Variants in VAC14 observed in about 807,000 individuals in gnomAD.
VAC14 encodes protein VAC14 homolog.
In VAC14, 47 loss-of-function variants were observed where a neutral mutation model predicts 85.3. The observed-to-expected ratio is 0.55, with a 90% confidence interval of 0.44 to 0.70. VAC14 has a LOEUF of 0.70. Among genes scored for constraint, VAC14 ranks in the 30% least tolerant of loss-of-function variants. The pLI is 0.00. For missense variants in VAC14, 861 were observed against 1,004.3 expected (o/e 0.86, Z 1.93); for synonymous variants, 447 against 430.5 (o/e 1.04, Z -0.47).
chr16:70,789,447 T>C (rs1008303372), intron 1 of VAC14, among the ~76,000 whole-genome samples: 1 of 152,194 alleles, frequency 6.6e-6, no homozygotes, highest in South Asian at 2.1e-4. Flanking sequence ...TCAACTTATA[T>C]GCAAGGAGGC....
chr16:70,753,277 G>A (rs1411401802), intron 12 of VAC14, among the ~76,000 whole-genome samples: 1 of 152,180 alleles, frequency 6.6e-6, no homozygotes, highest in Non-Finnish European at 1.5e-5. Flanking sequence ...TAGCAGTGGG[G>A]GGACGGTCCC....
intron 7 of VAC14, 150 bp from the exon 8 acceptor site, chr16:70,782,153 G>T: frequency 8.6e-7 from 1 of 1,163,532 alleles, no homozygotes; most frequent in African/African-American, 1.6e-5. Context: ...CTACCTGTGT[G>T]CTTTGCCTTC....
At position 70,771,087 on chromosome 16, in the gene VAC14, T is replaced by G. The variant is rs1597982948; in HGVS notation, c.1160+1022A>C. The G allele has an allele frequency of 2.0e-5, 3 of 152,174 alleles. No individual in the cohort carries two copies. The South Asian group carries it at 6.2e-4, about 32-fold the overall frequency. 9.4% of individuals were successfully genotyped at this position (152,174 alleles called of 1,614,324 possible). On this transcript the variant is annotated intron_variant, in intron 10 of 18. Coordinates refer to ENST00000261776, the MANE Select transcript of VAC14 (RefSeq NM_018052.5). ...CCCCTGTATGAGACCCACCATCCAC[T>G]CTAGCCCCAGAGATGCCAAGGTCAC... is the stretch of plus-strand genomic sequence containing the variant.
intron 14 of VAC14, among the ~76,000 whole-genome samples, chr16:70,727,951 G>C (rs1186651167): frequency 2.0e-5 from 3 of 152,208 alleles, no homozygotes; most frequent in Admixed American, 2.0e-4. Flanking sequence ...GATGCACATT[G>C]ACAGGTGTGG....
At chr16:70,695,865 G>A (rs1233248571) in intron 16 of VAC14, 9 of 423,508 alleles carry the variant, frequency 2.1e-5, no homozygotes, top group South Asian at 4.1e-5. Context: ...GCACCCTCCC[G>A]GGCTGGGAGA....
rs1451697263 is a variant in VAC14, at chr16:70,801,116, G to A, written c.-216C>T. On this transcript the variant is annotated 5_prime_UTR_variant, in exon 1 of 19. Coordinates refer to ENST00000261776, the MANE Select transcript of VAC14 (RefSeq NM_018052.5). ...CTGGCCGCTTAACAACTCCCGCCCGGCACTAGCGGGACTCACGAGACAGCG... is the reference window on the plus strand; with the variant it reads ...CTGGCCGCTTAACAACTCCCGCCCGACACTAGCGGGACTCACGAGACAGCG... 3 of 432,700 alleles carry A rather than the reference G, an allele frequency of 6.9e-6. No homozygotes were observed. The highest frequency in any genetic ancestry group is 1.2e-5 in the Non-Finnish European group (3 of 246,684). 26.8% of individuals were successfully genotyped at this position (432,700 alleles called of 1,614,324 possible).
intron 13 of VAC14, among the ~76,000 whole-genome samples, chr16:70,741,393 G>C (rs1024882878): frequency 1.3e-5 from 2 of 152,226 alleles, no homozygotes; most frequent in African/African-American, 4.8e-5. Flanking sequence ...GCGGAGGTGG[G>C]GGGGCGGGGA....
chr16:70,788,323 G>C (rs544490253), intron 1 of VAC14, among the ~76,000 whole-genome samples: 1 of 152,318 alleles, frequency 6.6e-6, no homozygotes. Context: ...CCTATCATGC[G>C]CCAGGCACTG....
At chr16:70,790,493 C>T (rs1006583621) in intron 1 of VAC14, among the ~76,000 whole-genome samples, 3 of 152,132 alleles carry the variant, frequency 2.0e-5, no homozygotes, top group East Asian at 3.9e-4. Context: ...TGAGCTCGCA[C>T]GTGATGTGAA....
chr16:70,733,458 G>C (rs1452604231), intron 13 of VAC14, among the ~76,000 whole-genome samples: 1 of 147,730 alleles, frequency 6.8e-6, no homozygotes, highest in Non-Finnish European at 1.5e-5. Flanking sequence ...TTGATTATTT[G>C]TCCCCACCCA....
In VAC14 at chr16:70,697,133, G is replaced by A. The variant is rs758269714; in HGVS notation, c.1955+6C>T. 3 of 1,609,576 alleles carry A rather than the reference G, an allele frequency of 1.9e-6. No homozygotes were observed. The highest frequency in any genetic ancestry group is 1.3e-5 in the African/African-American group (1 of 74,816). The stretch of plus-strand genomic sequence containing the variant: ...TCAACCCCAACCACAGTGAGAGGAA[G>A]GATACAACTTCTGGATGAGGTCATA... On this transcript the variant is annotated splice_donor_region_variant and intron_variant, in intron 16 of 18. Coordinates refer to ENST00000261776, the MANE Select transcript of VAC14 (RefSeq NM_018052.5).
chr16:70,766,463 A>T (rs1042018995), intron 10 of VAC14: 9 of 456,580 alleles, frequency 2.0e-5, no homozygotes, highest in African/African-American at 1.8e-4. Context: ...AACACAGCGA[A>T]CCTGAAGGTA....
intron 13 of VAC14, among the ~76,000 whole-genome samples, chr16:70,732,594 G>A (rs2054623582): frequency 6.6e-6 from 1 of 151,968 alleles, no homozygotes; most frequent in Non-Finnish European, 1.5e-5. Context: ...TGTGAAAGGA[G>A]TTACCAAGGG....
At position 70,695,579 on chromosome 16, in the gene VAC14, T is replaced by C; in HGVS notation, c.2000A>G (p.Lys667Arg). The C allele has an allele frequency of 6.2e-7, 1 of 1,613,968 alleles. No homozygotes were observed. ...VTVDFLAEVD[K>R]LVQLIECPIF... ...GGGGCACTCAATCAGCTGCACCAGC[T>C]TGTCCACCTCTGCGAGGAAGTCCAC... is the stretch of plus-strand genomic sequence containing the variant. Residue 667 changes from lysine (K) to arginine (R), a missense_variant, in exon 17 of 19, where the codon AAG becomes AGG. By Grantham distance (26) the Lys-to-Arg change is conservative. This residue lies in a region of VAC14 where 163 missense variants were observed against 162.2 expected (regional missense o/e 1.00). Transcript: ENST00000261776.
chr16:70,730,412 C>A (rs937668036), intron 14 of VAC14, among the ~76,000 whole-genome samples: 5 of 151,958 alleles, frequency 3.3e-5, no homozygotes, highest in African/African-American at 4.8e-5. Context: ...GCAAGATGAG[C>A]TCCCCAGGCT....
intron 14 of VAC14, among the ~76,000 whole-genome samples, chr16:70,701,094 G>C (rs774654291): frequency 4.6e-5 from 7 of 152,274 alleles, no homozygotes; most frequent in Non-Finnish European, 1.0e-4. Flanking sequence ...GAGTTTTCTG[G>C]AAACTCTTCT....
Position 70,772,387 on chromosome 16 carries a change from C to T in VAC14, c.1097-215G>A, listed in dbSNP as rs2033284224. 4 of 543,390 alleles carry T rather than the reference C, an allele frequency of 7.4e-6. No homozygotes were observed. The South Asian group carries it at 9.9e-5, about 13-fold the overall frequency. The allele number at this position is 543,390 out of a possible 1,614,324, so 33.7% of individuals were successfully genotyped here. A position where few individuals can be genotyped will look rare whatever the true frequency, so the allele number is the denominator to read the frequency against. ...TGTAAGTCTGTAGTCACAGTGATCT[C>T]ACAAGGAGGGGACACCAGTGCTAAA... On this transcript the variant is annotated intron_variant, in intron 9 of 18. Transcript: ENST00000261776.
chr16:70,783,001 GC>G, intron 7 of VAC14, 31 bp downstream of exon 7: 1 of 1,595,382 alleles, frequency 6.3e-7, no homozygotes, highest in South Asian at 1.1e-5. Context: ...AGCAGTGGCA[GC>G]CGTGGCTGTG....
intron 1 of VAC14, among the ~76,000 whole-genome samples, chr16:70,796,453 C>G (rs1289419203): frequency 6.6e-6 from 1 of 152,184 alleles, no homozygotes; most frequent in African/African-American, 2.4e-5. Context: ...GTATCAAATT[C>G]CTTTTATTAT....
Sources: gnomAD v4.1 joint callset for allele counts (sites outside exome capture counted in the v4.1 genomes callset) on GRCh38, gnomAD v4.1.1 for gene constraint, gnomAD v4.1.1 regional missense constraint, MANE v1.5 for transcripts, NCBI Gene and HGNC (gene_info 2026-07-23, HGNC 2026-07-21) for gene names.